The following PCDH15 variants were observed in gnomAD, a reference collection of about 807,000 sequenced individuals.
PCDH15 encodes the protein protocadherin related 15.
Under a neutral mutation model 178.5 loss-of-function variants are expected in PCDH15, and 129 were observed. The observed-to-expected ratio is 0.72, with a 90% CI of 0.63 to 0.84. The LOEUF (loss-of-function observed/expected upper bound fraction) is 0.84, where lower values mean the gene tolerates loss of function less well. PCDH15 is among the 40% of genes least tolerant of loss of function. The probability of loss-of-function intolerance (pLI) is 0.00; values close to 1 mark genes in which losing one functional copy is unlikely to be tolerated. For synonymous variants in PCDH15, 800 were observed against 732.0 expected (o/e 1.09, Z -1.50); for missense variants, 2,230 against 2,099.9 (o/e 1.06, Z -1.21).
chr10:54,185,647 G>A (rs1315966954), intron 11 of PCDH15, among the ~76,000 whole-genome samples: 2 of 151,760 alleles, frequency 1.3e-5, no homozygotes, highest in South Asian at 4.2e-4. Context: ...AAAGAAAATT[G>A]CATTTCAAAA....
At chr10:55,265,281 A>T (rs1376930069) in intron 1 of PCDH15, among the ~76,000 whole-genome samples, 1 of 149,916 alleles carries the variant, frequency 6.7e-6, no homozygotes, top group Non-Finnish European at 1.5e-5. Context: ...GAGACGATAT[A>T]TTGTGATAGA....
At chr10:55,172,288 G>A (rs74136378) in intron 1 of PCDH15, among the ~76,000 whole-genome samples, 3 of 151,704 alleles carry the variant, frequency 2.0e-5, no homozygotes, top group East Asian at 3.9e-4. Flanking sequence ...TTTCTTAAAC[G>A]TAAGTACTCC....
intron 34 of PCDH15, among the ~76,000 whole-genome samples, chr10:53,816,925 C>T (rs971079106): frequency 6.6e-6 from 1 of 152,156 alleles, no homozygotes; most frequent in African/African-American, 2.4e-5. Flanking sequence ...AAAGCTAATA[C>T]AGTCACCATT....
intron 8 of PCDH15, among the ~76,000 whole-genome samples, chr10:54,245,577 T>C (rs2055840719): frequency 6.6e-6 from 1 of 152,142 alleles, no homozygotes; most frequent in South Asian, 2.1e-4. Context: ...ACACATGTAT[T>C]AGAAGTCAAC....
At chr10:54,099,890 C>T (rs1049634470) in intron 15 of PCDH15, among the ~76,000 whole-genome samples, 2 of 152,030 alleles carry the variant, frequency 1.3e-5, no homozygotes, top group Non-Finnish European at 2.9e-5. Context: ...GATTAAGAAC[C>T]TAGTCTTAAT....
At chr10:55,608,278 A>AGGGAAGGGAAG (rs1303428359) in intron 2 of PCDH15, among the ~76,000 whole-genome samples, 1 of 145,314 alleles carries the variant, frequency 6.9e-6, no homozygotes, top group African/African-American at 2.6e-5. Context: ...GGGAAGAGAT[A>AGGGAAGGGAAG]GGGAAGGGAA....
chr10:54,839,640 A>G (rs1437404286), intron 3 of PCDH15, among the ~76,000 whole-genome samples: 2 of 152,128 alleles, frequency 1.3e-5, no homozygotes, highest in Non-Finnish European at 2.9e-5. Context: ...AAAGATATAG[A>G]CATTAAGATT....
chr10:54,111,659 T>C (rs1369099354), intron 15 of PCDH15, among the ~76,000 whole-genome samples: 2 of 152,142 alleles, frequency 1.3e-5, no homozygotes, highest in Non-Finnish European at 2.9e-5. Context: ...GATTATCACT[T>C]AGGAAACTGG....
At chr10:54,680,622 T>A (rs1286275875) in intron 1 of PCDH15, among the ~76,000 whole-genome samples, 1 of 152,290 alleles carries the variant, frequency 6.6e-6, no homozygotes, top group South Asian at 2.1e-4. Context: ...CAGGTGAAGA[T>A]AATTGAATCA....
intron 13 of PCDH15, among the ~76,000 whole-genome samples, chr10:54,182,378 C>T (rs912229691): frequency 2.0e-4 from 30 of 152,136 alleles, no homozygotes; most frequent in African/African-American, 7.0e-4. Flanking sequence ...GCTGGCATTA[C>T]AGTGGCAAAC....
intron 13 of PCDH15, among the ~76,000 whole-genome samples, chr10:54,175,303 A>T: frequency 6.6e-6 from 1 of 152,192 alleles, no homozygotes; most frequent in East Asian, 1.9e-4. Flanking sequence ...TTAAAATACG[A>T]TGTAGTTTTA....
chr10:54,183,375 T>C lies in PCDH15; in HGVS notation c.1590+69A>G, dbSNP rs911883480. On this transcript the variant is annotated intron_variant, in intron 13 of 37. Transcript: ENST00000644397. The stretch of plus-strand genomic sequence containing the variant: ...TTCTGTTTCTTAAGTAATTTCTTCA[T>C]GAGCATATCGTATAATGCACATGTA... 25 of 1,410,572 alleles carry C rather than the reference T, an allele frequency of 1.8e-5. No homozygotes were observed. The Admixed American group carries it at 4.2e-4, about 24-fold the overall frequency. 87.4% of individuals were successfully genotyped at this position (1,410,572 alleles called of 1,614,324 possible).
rs1349823885 is a variant in PCDH15 at position 55,529,741 on chromosome 10, G to A, written c.-156+97884C>T. Among the ~76,000 whole-genome samples, 30 of 62,758 alleles carry A rather than the reference G, an allele frequency of 4.8e-4. 1 individual carries two copies. Among genetic ancestry groups the A allele is most frequent in the African/African-American group, 1.4e-3 (25 of 18,148 alleles). 41.2% of individuals were successfully genotyped at this position (62,758 alleles called of 152,430 possible). A position where few individuals can be genotyped will look rare whatever the true frequency, so the allele number is the denominator to read the frequency against. ...TATATATATATGTGTTTGTCTGTGAGTATATATATATATATATATATATAT... is the reference window on the plus strand; with the variant it reads ...TATATATATATGTGTTTGTCTGTGAATATATATATATATATATATATATAT... On this transcript the variant is annotated intron_variant, in intron 2 of 5. Transcript: ENST00000613346.
At chr10:55,192,741 C>CTCTA (rs762777531) in intron 1 of PCDH15, among the ~76,000 whole-genome samples, 12 of 147,528 alleles carry the variant, frequency 8.1e-5, no homozygotes, top group African/African-American at 2.7e-4. Context: ...CTCTCTCTCT[C>CTCTA]TATATATATA....
At chr10:55,159,506 TAC>T (rs1040361458) in intron 2 of PCDH15, among the ~76,000 whole-genome samples, 1 of 148,942 alleles carries the variant, frequency 6.7e-6, no homozygotes, top group Non-Finnish European at 1.5e-5. Flanking sequence ...CACACACATA[TAC>T]ACACACACAA....
chr10:53,910,360 C>CCAGGCAAACAGTTTGGAGTGGAGCT (rs2082993289), intron 25 of PCDH15, among the ~76,000 whole-genome samples: 1 of 152,078 alleles, frequency 6.6e-6, no homozygotes, highest in Non-Finnish European at 1.5e-5. Flanking sequence ...CTGGTAACAC[C>CCAGGCAAACAGTTTGGAGTGGAGCT]CAGGCAAACA....
intron 2 of PCDH15, among the ~76,000 whole-genome samples, chr10:55,428,531 A>G (rs939884405): frequency 6.6e-6 from 1 of 151,850 alleles, no homozygotes; most frequent in Non-Finnish European, 1.5e-5. Flanking sequence ...AGATACATAC[A>G]TATGTATATA....
At chr10:55,077,730 G>A (rs1022152646) in intron 2 of PCDH15, among the ~76,000 whole-genome samples, 1 of 151,940 alleles carries the variant, frequency 6.6e-6, no homozygotes, top group Non-Finnish European at 1.5e-5. Context: ...TATTTTTAGT[G>A]GAGACGCGGA....
intron 2 of PCDH15, among the ~76,000 whole-genome samples, chr10:55,441,957 ATG>A (rs959772521): frequency 1.7e-5 from 1 of 60,412 alleles, no homozygotes; most frequent in Non-Finnish European, 3.6e-5. Flanking sequence ...ATGCGGCCAC[ATG>A]TCAAGGAATG....
Sources: allele counts gnomAD v4.1 joint callset (sites outside exome capture counted in the v4.1 genomes callset), GRCh38; gene constraint gnomAD v4.1.1; transcripts MANE v1.5; gene names NCBI Gene and HGNC (gene_info 2026-07-23, HGNC 2026-07-21).